The following CLMN variants were observed in gnomAD, a reference collection of about 807,000 sequenced individuals.
CLMN encodes the protein calmin (calponin-like, transmembrane).
In CLMN, 57 loss-of-function variants were observed where a neutral mutation model predicts 92.7. That is an observed-to-expected ratio of 0.61 (90% CI 0.50 to 0.77). The LOEUF (loss-of-function observed/expected upper bound fraction) is 0.77, where lower values mean the gene tolerates loss of function less well. Among genes scored for constraint, CLMN ranks in the 30% least tolerant of loss-of-function variants. The pLI, the probability that CLMN is intolerant of heterozygous loss-of-function variation, is 0.00. For synonymous variants in CLMN, 466 were observed against 470.6 expected (o/e 0.99, Z 0.13); for missense variants, 1,158 against 1,237.5 (o/e 0.94, Z 0.96).
In CLMN at chr14:95,194,196, G is replaced by A. The variant is rs752832398; in HGVS notation, c.2770-277C>T. 181 of 1,397,178 alleles carry A rather than the reference G, an allele frequency of 1.3e-4. No individual in the cohort carries two copies. Among genetic ancestry groups the A allele is most frequent in the Admixed American group, 1.2e-3 (37 of 32,072 alleles). The allele number at this position is 1,397,178 out of a possible 1,614,324, so 86.5% of individuals were successfully genotyped here. ...TTCTAACACATCTGCTACTGAGCAC[G>A]TGCCACTGTCCATCGGACCTTGACT... is the stretch of plus-strand genomic sequence containing the variant. On this transcript the variant is annotated intron_variant, in intron 11 of 12. Transcript: ENST00000298912. The surrounding 1 kb of genome is among the most constrained non-coding windows in gnomAD (Gnocchi z 4.0).
Position 95,315,539 on chromosome 14 carries a change from G to A in CLMN, c.82+4172C>T, listed in dbSNP as rs556206276. On this transcript the variant is annotated intron_variant, in intron 1 of 12. Transcript: ENST00000298912. ...TGGGCCTGAGCCAGTGGAACAAAAG[G>A]AGAAAGTGGGCCACATGGGCCGGGG... 5.6e-3 allele frequency among the ~76,000 whole-genome samples: 851 copies of A among 152,356 alleles called. 4 individuals are homozygous for A. The highest frequency in any genetic ancestry group is 0.012 in the South Asian group (59 of 4,826).
chr14:95,223,841 T>C lies in CLMN; in HGVS notation c.159A>G (p.Leu53=). Residue 53 remains leucine (L), a synonymous_variant, in exon 3 of 13, where the codon CTA becomes CTG. Transcript: ENST00000298912. ...TATCGACGAATAAATCTTTAACTTC[T>C]AGAGGTGGGTTGCACTTTGAAAGAG... The part of the protein sequence containing the change: ...NLHLEKCNPP[L]EVKDLFVDIQ... 6.2e-7 allele frequency: 1 copy of C among 1,612,682 alleles called. No homozygotes were observed. Among genetic ancestry groups the C allele is most frequent in the Admixed American group, 1.7e-5 (1 of 59,576 alleles).
rs757375721 is a variant in CLMN at position 95,210,868 on chromosome 14, G to T, written c.620C>A (p.Ala207Glu). Residue 207 changes from alanine (A) to glutamate (E), a missense_variant, in exon 7 of 13, where the codon GCG becomes GAG. Transcript: ENST00000298912. ...VQRKTRKYGV[A>E]VQDFAGSWRS... ...CCAACTGCCCGCAAAGTCCTGCACC[G>T]CCACGCCATACCTGAAGGAAAAACA... is the stretch of plus-strand genomic sequence containing the variant. 136 of 1,520,380 alleles carry T rather than the reference G, an allele frequency of 8.9e-5. 1 individual carries two copies. The highest frequency in any genetic ancestry group is 1.2e-4 in the Non-Finnish European group (135 of 1,142,328). 94.2% of individuals were successfully genotyped at this position (1,520,380 alleles called of 1,614,324 possible).
chr14:95,246,437 G>C (rs868485763), intron 1 of CLMN, among the ~76,000 whole-genome samples: 3 of 152,178 alleles, frequency 2.0e-5, no homozygotes, highest in African/African-American at 4.8e-5. Context: ...GCCCTGCATG[G>C]TGTGGCACCC....
At position 95,280,219 on chromosome 14, in the gene CLMN, G is replaced by T. The variant is rs149299732; in HGVS notation, c.82+39492C>A. 2.6e-4 allele frequency among the ~76,000 whole-genome samples: 40 copies of T among 152,242 alleles called. No individual in the cohort carries two copies. In the East Asian group the frequency reaches 6.2e-3, roughly 23 times the overall value. ...TGCTTTAACAAAAAAATTCTAAAGG[G>T]TTATAAACAGTTTTGAAAATATTAC... On this transcript the variant is annotated intron_variant, in intron 1 of 12. Coordinates refer to ENST00000298912, the MANE Select transcript of CLMN (RefSeq NM_024734.4).
chr14:95,307,663 C>T (rs1901342887), intron 1 of CLMN: 2 of 152,244 alleles, frequency 1.3e-5, no homozygotes. Context: ...GGCTTTGAAT[C>T]GGGAGGTAAC....
intron 4 of CLMN, among the ~76,000 whole-genome samples, chr14:95,220,562 C>T (rs956820686): frequency 9.2e-5 from 14 of 152,216 alleles, no homozygotes; most frequent in Admixed American, 4.6e-4. Context: ...ATTGTGCTGC[C>T]ATGAACTGTA....
chr14:95,257,272 T>C (rs1478254927), intron 1 of CLMN, among the ~76,000 whole-genome samples: 1 of 152,220 alleles, frequency 6.6e-6, no homozygotes, highest in Non-Finnish European at 1.5e-5. Flanking sequence ...CCGCTGCATC[T>C]AGACGGGGAC....
At chr14:95,241,681 G>A (rs188007430) in intron 1 of CLMN, among the ~76,000 whole-genome samples, 15 of 152,324 alleles carry the variant, frequency 9.8e-5, no homozygotes, top group Admixed American at 4.6e-4. Flanking sequence ...CAGAGGCTGC[G>A]TAAGCTGGAG....
chr14:95,225,149 T>C (rs1182399074), intron 2 of CLMN, among the ~76,000 whole-genome samples: 2 of 132,974 alleles, frequency 1.5e-5, no homozygotes, highest in Admixed American at 1.4e-4. Flanking sequence ...TCATTAAAGT[T>C]GTACCAAAAA....
intron 1 of CLMN, among the ~76,000 whole-genome samples, chr14:95,241,871 C>T (rs995439161): frequency 6.6e-6 from 1 of 152,170 alleles, no homozygotes; most frequent in Non-Finnish European, 1.5e-5. Context: ...CACGCACGCA[C>T]ACTCTCGCCG....
At chr14:95,315,291 G>A (rs1278232954) in intron 1 of CLMN, among the ~76,000 whole-genome samples, 1 of 152,076 alleles carries the variant, frequency 6.6e-6, no homozygotes, top group Non-Finnish European at 1.5e-5. Context: ...TTTTTCTCGT[G>A]GTCACATGGG....
intron 9 of CLMN, among the ~76,000 whole-genome samples, chr14:95,201,074 G>C (rs977478789): frequency 2.0e-5 from 3 of 151,476 alleles, no homozygotes; most frequent in Non-Finnish European, 4.4e-5. Context: ...TGGGTTGATG[G>C]GTGCAGCAAA....
intron 1 of CLMN, among the ~76,000 whole-genome samples, chr14:95,300,041 C>T (rs2140777296): frequency 6.6e-6 from 1 of 152,350 alleles, no homozygotes; most frequent in East Asian, 1.9e-4. Flanking sequence ...ATAGAGACGC[C>T]TCTACAGAGC....
chr14:95,243,021 G>C lies in CLMN; in HGVS notation c.83-12888C>G, dbSNP rs138460693. Among the ~76,000 whole-genome samples the C allele has an allele frequency of 6.6e-5, 10 of 152,312 alleles. No individual in the cohort carries two copies. In the East Asian group the frequency reaches 1.5e-3, roughly 23 times the overall value. On this transcript the variant is annotated intron_variant, in intron 1 of 12. Coordinates refer to ENST00000298912, the MANE Select transcript of CLMN (RefSeq NM_024734.4). ...AAGGCCCTATGGTCTTTGTCATATA[G>C]AGTCAAGTCATCATCATGGTGTGAA...
chr14:95,194,772 C>CT lies in CLMN; in HGVS notation c.2709-177dup, dbSNP rs60599685. On this transcript the variant is annotated intron_variant, in intron 10 of 12. Coordinates refer to ENST00000298912, the MANE Select transcript of CLMN (RefSeq NM_024734.4). This position sits in a 1 kb window ranked among gnomAD's most constrained non-coding sequence, Gnocchi z 4.0. ...ACATGCCTACTTTGGTTGGACAGTG[C>CT]TTACAAATAGGATGGATATTAGTGA... Among the ~76,000 whole-genome samples the CT allele has an allele frequency of 0.024, 3,589 of 152,270 alleles. 131 individuals carry two copies. Among genetic ancestry groups the CT allele is most frequent in the African/African-American group, 0.081 (3,366 of 41,536 alleles).
At chr14:95,231,064 C>A (rs959090068) in intron 1 of CLMN, among the ~76,000 whole-genome samples, 6 of 152,306 alleles carry the variant, frequency 3.9e-5, no homozygotes, top group East Asian at 3.9e-4. Flanking sequence ...GGGTCCCCAA[C>A]CCCCAGGCCA....
At chr14:95,217,763 T>C (rs528608585) in intron 4 of CLMN, among the ~76,000 whole-genome samples, 1 of 152,360 alleles carries the variant, frequency 6.6e-6, no homozygotes, top group Non-Finnish European at 1.5e-5. Flanking sequence ...GTGACAGCTG[T>C]GGCCCTGTAA....
chr14:95,219,219 T>C (rs996470265), intron 4 of CLMN, among the ~76,000 whole-genome samples: 1 of 152,190 alleles, frequency 6.6e-6, no homozygotes, highest in African/African-American at 2.4e-5. Context: ...TTCTGATAAA[T>C]GCAGCAGGAG....
Sources: allele counts gnomAD v4.1 joint callset (sites outside exome capture counted in the v4.1 genomes callset), GRCh38; gene constraint gnomAD v4.1.1; non-coding constraint Gnocchi (gnomAD v3.1); transcripts MANE v1.5; gene names NCBI Gene and HGNC (gene_info 2026-07-23, HGNC 2026-07-21).